GPC3: variants seen among roughly 807,000 people sequenced by gnomAD.
The protein encoded by GPC3 is glypican 3.
Under a neutral mutation model 34.4 loss-of-function variants are expected in GPC3, and 3 were observed. The observed-to-expected ratio is 0.09, with a 90% confidence interval of 0.04 to 0.23. GPC3 has a LOEUF of 0.23. GPC3 is among the 10% of genes least tolerant of loss of function. The pLI is 1.00. For missense variants in GPC3, 351 were observed against 445.6 expected, an observed-to-expected ratio of 0.79 and a Z score of 1.91; for synonymous variants, 177 against 174.0, an observed-to-expected ratio of 1.02 and a Z score of -0.13.
At chrX:133,661,967 G>T in intron 5 of GPC3, 117 bp from the exon 6 acceptor site, 3 of 829,771 alleles carry the variant, frequency 3.6e-6, no homozygotes, top group Non-Finnish European at 3.6e-6. Context: ...CGACCTCATG[G>T]TGCAAAAGTA....
At chrX:133,703,707 A>G (rs935139069) in intron 3 of GPC3, among the ~76,000 whole-genome samples, 3 of 111,708 alleles carry the variant, frequency 2.7e-5, no homozygotes, top group East Asian at 2.8e-4. Flanking sequence ...TGATCCACCC[A>G]CCTTGGCCTC....
At chrX:133,684,742 T>A (rs931108040) in intron 5 of GPC3, among the ~76,000 whole-genome samples, 6 of 111,260 alleles carry the variant, frequency 5.4e-5, no homozygotes, top group African/African-American at 2.0e-4. Flanking sequence ...CAACAACAAA[T>A]AATAACTTAT....
At chrX:133,905,251 T>C (rs1247435510) in intron 2 of GPC3, among the ~76,000 whole-genome samples, 1 of 112,488 alleles carries the variant, frequency 8.9e-6, no homozygotes, top group Admixed American at 9.4e-5. Flanking sequence ...GAAACATTCA[T>C]AAAATTGTGC....
At chrX:133,787,370 C>T (rs1182010088) in intron 2 of GPC3, among the ~76,000 whole-genome samples, 1 of 112,372 alleles carries the variant, frequency 8.9e-6, no homozygotes, top group African/African-American at 3.2e-5. Context: ...TGGGCCTATG[C>T]CAAGGCCCAT....
At chrX:133,808,453 C>T (rs1274091923) in intron 2 of GPC3, among the ~76,000 whole-genome samples, 1 of 112,124 alleles carries the variant, frequency 8.9e-6, no homozygotes, top group Non-Finnish European at 1.9e-5. Flanking sequence ...AACTATTCAA[C>T]AGACTTTGAG....
chrX:133,948,061 G>T (rs1371356024), intron 2 of GPC3, among the ~76,000 whole-genome samples: 1 of 110,690 alleles, frequency 9.0e-6, no homozygotes, highest in African/African-American at 3.3e-5. Flanking sequence ...TAGTCAGGGG[G>T]AAAGAATTGT....
At chrX:133,981,402 C>T in intron 1 of GPC3, among the ~76,000 whole-genome samples, 1 of 111,943 alleles carries the variant, frequency 8.9e-6, no homozygotes. Flanking sequence ...CCAAGGTGCC[C>T]CACCAATCAT....
At chrX:133,909,253 A>G (rs4996001) in intron 2 of GPC3, among the ~76,000 whole-genome samples, 5,994 of 112,593 alleles carry the variant, frequency 0.053, 376 homozygotes, top group African/African-American at 0.18. Context: ...CCAGCTGTGA[A>G]TCTGCCTAAT....
intron 5 of GPC3, chrX:133,671,310 A>G: frequency 1.3e-6 from 1 of 788,323 alleles, no homozygotes. Flanking sequence ...CAACGAAAGG[A>G]ATGCAAGAAC....
intron 6 of GPC3, among the ~76,000 whole-genome samples, chrX:133,605,172 T>TGGG (rs112241052): frequency 2.1e-5 from 2 of 95,982 alleles, no homozygotes; most frequent in African/African-American, 7.5e-5. Context: ...ACTTCACACG[T>TGGG]GGGGGGGGGG....
At chrX:133,571,805 T>C (rs1240367461) in intron 7 of GPC3, among the ~76,000 whole-genome samples, 3 of 111,822 alleles carry the variant, frequency 2.7e-5, no homozygotes, top group African/African-American at 9.8e-5. Flanking sequence ...GCTGCCTCTA[T>C]GGTTCTAAAG....
intron 2 of GPC3, among the ~76,000 whole-genome samples, chrX:133,803,636 G>A (rs988484748): frequency 3.6e-5 from 4 of 112,073 alleles, no homozygotes; most frequent in African/African-American, 1.3e-4. Context: ...CAGGAAGACC[G>A]GAGTGATCTG....
At chrX:133,628,615 C>T (rs1437518180) in intron 6 of GPC3, among the ~76,000 whole-genome samples, 1 of 107,256 alleles carries the variant, frequency 9.3e-6, no homozygotes, top group Non-Finnish European at 1.9e-5. Context: ...GAGATTGCAC[C>T]ACTGCACTCC....
chrX:133,648,590 A>G (rs1487065182), intron 6 of GPC3, among the ~76,000 whole-genome samples: 1 of 111,812 alleles, frequency 8.9e-6, no homozygotes, highest in African/African-American at 3.3e-5. Flanking sequence ...CTCATGCTTC[A>G]AGCCCTTCAT....
At chrX:133,723,899 A>G (rs1275722458) in intron 3 of GPC3, among the ~76,000 whole-genome samples, 2 of 112,239 alleles carry the variant, frequency 1.8e-5, no homozygotes, top group African/African-American at 6.5e-5. Flanking sequence ...CCTTATCATT[A>G]GTGTGAATAA....
intron 6 of GPC3, among the ~76,000 whole-genome samples, chrX:133,643,376 G>A (rs1409476441): frequency 9.0e-6 from 1 of 111,684 alleles, no homozygotes; most frequent in Non-Finnish European, 1.9e-5. Flanking sequence ...AGCTCAGTTG[G>A]GGACCAAGGA....
intron 6 of GPC3, among the ~76,000 whole-genome samples, chrX:133,641,153 C>A (rs766841272): frequency 2.4e-3 from 263 of 109,710 alleles, no homozygotes; most frequent in African/African-American, 7.7e-3. Flanking sequence ...GTATGCTATA[C>A]CAAGTTTGGG....
chrX:133,947,522 T>A (rs748703995), intron 2 of GPC3, among the ~76,000 whole-genome samples: 191 of 111,872 alleles, frequency 1.7e-3, no homozygotes, highest in African/African-American at 5.9e-3. Context: ...CTGGCTCTAC[T>A]AAAGCCACAG....
chrX:133,784,577 C>T (rs1213558800), intron 2 of GPC3, among the ~76,000 whole-genome samples: 2 of 111,975 alleles, frequency 1.8e-5, no homozygotes, highest in Non-Finnish European at 3.8e-5. Context: ...AGGACATGGA[C>T]GCTTTAAACA....
Sources: gnomAD v4.1 joint callset for allele counts (sites outside exome capture counted in the v4.1 genomes callset) on GRCh38, gnomAD v4.1.1 for gene constraint, MANE v1.5 for transcripts, NCBI Gene and HGNC (gene_info 2026-07-23, HGNC 2026-07-21) for gene names.